Variants in GFRA2 observed in about 807,000 individuals in gnomAD.
GFRA2 encodes the protein GDNF family receptor alpha-2.
GFRA2 carries 17 observed loss-of-function variants against 48.3 expected under a neutral mutation model. That is an observed-to-expected ratio of 0.35 (90% CI 0.24 to 0.53). GFRA2 has a LOEUF of 0.53. Among genes scored for constraint, GFRA2 ranks in the 20% least tolerant of loss-of-function variants. The probability of loss-of-function intolerance (pLI) is 0.93; values close to 1 mark genes in which losing one functional copy is unlikely to be tolerated. For missense variants in GFRA2, 660 were observed against 637.3 expected (o/e 1.04, Z -0.38); for synonymous variants, 305 against 257.2 (o/e 1.19, Z -1.78).
At chr8:21,699,535 G>A (rs889024688) in intron 7 of GFRA2, among the ~76,000 whole-genome samples, 3 of 152,118 alleles carry the variant, frequency 2.0e-5, no homozygotes, top group Non-Finnish European at 4.4e-5. Context: ...TAGCCCCAAG[G>A]GAGTGTCAGG....
At chr8:21,749,481 C>G (rs1450978141) in intron 4 of GFRA2, among the ~76,000 whole-genome samples, 1 of 151,598 alleles carries the variant, frequency 6.6e-6, no homozygotes, top group East Asian at 2.0e-4. Context: ...AAAGCTAGGA[C>G]CGTCCGACTC....
intron 3 of GFRA2, among the ~76,000 whole-genome samples, chr8:21,759,044 C>T (rs991709200): frequency 6.6e-6 from 1 of 152,162 alleles, no homozygotes; most frequent in Non-Finnish European, 1.5e-5. Flanking sequence ...AAGAATCTTC[C>T]CTCTCCTACA....
intron 4 of GFRA2, among the ~76,000 whole-genome samples, chr8:21,747,356 T>G (rs1441900089): frequency 5.9e-5 from 9 of 152,218 alleles, no homozygotes; most frequent in African/African-American, 2.2e-4. Flanking sequence ...AATGGCAGCG[T>G]GGCCACATCT....
intron 4 of GFRA2, among the ~76,000 whole-genome samples, chr8:21,746,582 C>T (rs1805016275): frequency 6.6e-6 from 1 of 152,040 alleles, no homozygotes; most frequent in African/African-American, 2.4e-5. Context: ...GCTTGTGGGC[C>T]CTGGAGTCTC....
intron 2 of GFRA2, among the ~76,000 whole-genome samples, chr8:21,778,967 G>A (rs949047346): frequency 4.6e-5 from 7 of 151,978 alleles, no homozygotes; most frequent in African/African-American, 7.2e-5. Flanking sequence ...TTGGTAGGCC[G>A]AGACACAAGG....
At chr8:21,722,570 G>C in intron 4 of GFRA2, among the ~76,000 whole-genome samples, 1 of 152,186 alleles carries the variant, frequency 6.6e-6, no homozygotes, top group East Asian at 1.9e-4. Context: ...CCAGGGAGGA[G>C]AGAACATGGG....
rs73669510 is a variant in GFRA2, at chr8:21,695,408, C to G, written c.1219-891G>C. The stretch of plus-strand genomic sequence containing the variant: ...GAAGCCCAAGAAATTATGCCGCAAT[C>G]ACTGCCCTCGGCCAGAAGTATCAAT... On this transcript the variant is annotated intron_variant, in intron 7 of 8. Coordinates refer to ENST00000524240, the MANE Select transcript of GFRA2 (RefSeq NM_001495.5). Among the ~76,000 whole-genome samples, 611 of 152,270 alleles carry G rather than the reference C, an allele frequency of 4.0e-3. 2 individuals carry two copies. Among genetic ancestry groups the G allele is most frequent in the African/African-American group, 0.014 (586 of 41,550 alleles).
intron 2 of GFRA2, among the ~76,000 whole-genome samples, chr8:21,776,469 CTTTT>C (rs142915155): frequency 7.5e-5 from 10 of 133,828 alleles, no homozygotes; most frequent in East Asian, 2.2e-4. Context: ...AGACGAGACT[CTTTT>C]TTTTTTTTTT....
intron 4 of GFRA2, among the ~76,000 whole-genome samples, chr8:21,740,006 A>G (rs7827271): frequency 0.01 from 1,577 of 152,310 alleles, 38 homozygotes; most frequent in African/African-American, 0.036. Flanking sequence ...CTCCAAGCCC[A>G]GGGAGGACAT....
intron 4 of GFRA2, among the ~76,000 whole-genome samples, chr8:21,729,466 G>T (rs117461917): frequency 0.017 from 2,637 of 152,240 alleles, 33 homozygotes; most frequent in Middle Eastern, 0.048. Context: ...GGGGAAGAAG[G>T]TCTCAGAGAG....
chr8:21,739,813 A>C (rs1402674859), intron 4 of GFRA2, among the ~76,000 whole-genome samples: 3 of 152,130 alleles, frequency 2.0e-5, no homozygotes, highest in African/African-American at 4.8e-5. Context: ...CTCGAGGAGG[A>C]AGATTGAAAG....
chr8:21,764,803 C>A (rs1246572238), intron 3 of GFRA2, among the ~76,000 whole-genome samples: 1 of 152,200 alleles, frequency 6.6e-6, no homozygotes, highest in Non-Finnish European at 1.5e-5. Flanking sequence ...CAGAACAAAA[C>A]CAAAAGCAAA....
intron 4 of GFRA2, among the ~76,000 whole-genome samples, chr8:21,736,158 AG>A (rs1327408397): frequency 6.6e-6 from 1 of 152,232 alleles, no homozygotes; most frequent in Non-Finnish European, 1.5e-5. Flanking sequence ...ACCATCTGGC[AG>A]GCTCAGGTCC....
chr8:21,731,898 G>A (rs1317518788), intron 4 of GFRA2, among the ~76,000 whole-genome samples: 1 of 152,236 alleles, frequency 6.6e-6, no homozygotes. Context: ...AGTAGCACCT[G>A]AAGGCATGGC....
intron 6 of GFRA2, among the ~76,000 whole-genome samples, chr8:21,703,596 G>C (rs923205602): frequency 6.6e-6 from 1 of 152,166 alleles, no homozygotes; most frequent in Non-Finnish European, 1.5e-5. Flanking sequence ...TCCTACCCTT[G>C]TCAACGCTCC....
chr8:21,732,450 C>T (rs1419002712), intron 4 of GFRA2, among the ~76,000 whole-genome samples: 1 of 152,164 alleles, frequency 6.6e-6, no homozygotes, highest in Non-Finnish European at 1.5e-5. Context: ...GATGAGTCTG[C>T]GGAGAGGGGA....
At chr8:21,745,008 C>T (rs1804934533) in intron 4 of GFRA2, among the ~76,000 whole-genome samples, 2 of 152,166 alleles carry the variant, frequency 1.3e-5, no homozygotes, top group South Asian at 4.1e-4. Flanking sequence ...AAGTGCTTCC[C>T]AAAACCCCGA....
At chr8:21,783,387 C>T (rs1462537907) in intron 1 of GFRA2, among the ~76,000 whole-genome samples, 2 of 152,116 alleles carry the variant, frequency 1.3e-5, no homozygotes, top group South Asian at 2.1e-4. Flanking sequence ...GAAGTCATTT[C>T]GTTGTCATTG....
intron 2 of GFRA2, among the ~76,000 whole-genome samples, chr8:21,793,958 G>A (rs1807623877): frequency 6.7e-6 from 1 of 150,286 alleles, no homozygotes; most frequent in African/African-American, 2.4e-5. Flanking sequence ...TGACTTCCTG[G>A]GCTCAAGTCA....
Sources: gnomAD v4.1 joint callset for allele counts (sites outside exome capture counted in the v4.1 genomes callset) on GRCh38, gnomAD v4.1.1 for gene constraint, MANE v1.5 for transcripts, NCBI Gene and HGNC (gene_info 2026-07-23, HGNC 2026-07-21) for gene names.